The following TRAPPC8 variants were observed in gnomAD, a reference collection of about 807,000 sequenced individuals.
TRAPPC8 encodes trafficking protein particle complex subunit 8, also known as general sporulation gene 1 homolog.
TRAPPC8 carries 54 observed loss-of-function variants against 174.3 expected under a neutral mutation model. That is an observed-to-expected ratio of 0.31 (90% CI 0.25 to 0.39). The LOEUF (loss-of-function observed/expected upper bound fraction) is 0.39. Ranked by LOEUF, TRAPPC8 falls within the 10% of genes least tolerant of loss-of-function variation. The probability of loss-of-function intolerance (pLI) is 1.00; values close to 1 mark genes in which losing one functional copy is unlikely to be tolerated. For missense variants in TRAPPC8, 1,531 were observed against 1,699.1 expected (o/e 0.90, Z 1.74); for synonymous variants, 630 against 579.9 (o/e 1.09, Z -1.24).
chr18:31,838,559 G>A (rs78500577), intron 27 of TRAPPC8, among the ~76,000 whole-genome samples: 1,912 of 152,174 alleles, frequency 0.013, 39 homozygotes, highest in African/African-American at 0.043. Flanking sequence ...TGGTCAACGC[G>A]GTATCTTTAC....
chr18:31,902,983 G>A (rs2145441549), intron 9 of TRAPPC8, among the ~76,000 whole-genome samples: 1 of 151,420 alleles, frequency 6.6e-6, no homozygotes, highest in East Asian at 2.0e-4. Context: ...CCGGGGAGCG[G>A]AGCCTGCAGT....
At chr18:31,844,693 G>C (rs1267097916) in intron 26 of TRAPPC8, 1 of 147,940 alleles carries the variant, frequency 6.8e-6, no homozygotes, top group Non-Finnish European at 1.5e-5. Context: ...CTCAAGCCTG[G>C]TAACAGAGTG....
intron 1 of TRAPPC8, among the ~76,000 whole-genome samples, chr18:31,934,846 A>G (rs2038011551): frequency 1.3e-5 from 2 of 151,312 alleles, no homozygotes; most frequent in Admixed American, 6.6e-5. Context: ...CAGCCTGGGC[A>G]ATGAGAGCTG....
intron 9 of TRAPPC8, among the ~76,000 whole-genome samples, chr18:31,901,281 G>C (rs1000272813): frequency 6.6e-6 from 1 of 152,108 alleles, no homozygotes; most frequent in African/African-American, 2.4e-5. Flanking sequence ...TAAGTAATGA[G>C]TAAGAGTCTT....
intron 19 of TRAPPC8, 75 bp downstream of exon 19, chr18:31,864,552 G>T: frequency 6.9e-7 from 1 of 1,446,748 alleles, no homozygotes; most frequent in Non-Finnish European, 9.5e-7. Context: ...AAACCTCAGA[G>T]CCTAAAATTA....
At chr18:31,896,264 A>G (rs2036180258) in intron 11 of TRAPPC8, 3 of 152,208 alleles carry the variant, frequency 2.0e-5, no homozygotes, top group African/African-American at 7.2e-5. Context: ...TAAGAATGAG[A>G]ACTAGAACAG....
intron 19 of TRAPPC8, among the ~76,000 whole-genome samples, chr18:31,859,695 A>G (rs934750142): frequency 6.6e-6 from 1 of 152,190 alleles, no homozygotes; most frequent in African/African-American, 2.4e-5. Flanking sequence ...GTACCTTCAG[A>G]ACACAGGTTT....
chr18:31,863,965 G>GTTCTATTATAC (rs2034457781), intron 19 of TRAPPC8, among the ~76,000 whole-genome samples: 1 of 139,384 alleles, frequency 7.2e-6, no homozygotes, highest in Admixed American at 6.9e-5. Flanking sequence ...TTATACTAAA[G>GTTCTATTATAC]TATAATACTA....
chr18:31,830,576 A>C lies in TRAPPC8; in HGVS notation c.*179T>G, dbSNP rs2032298787. 1.7e-6 allele frequency: 1 copy of C among 581,594 alleles called. No individual in the cohort carries two copies. Among genetic ancestry groups the C allele is most frequent in the South Asian group, 2.2e-5 (1 of 44,498 alleles). The allele number at this position is 581,594 out of a possible 1,614,324, so 36.0% of individuals were successfully genotyped here. A position where few individuals can be genotyped will look rare whatever the true frequency, so the allele number is the denominator to read the frequency against. ...AGGGTTTAAAGAAATACAGAAAAAGAATGTTAAGTATTCTCAGTCCAACGT... is the reference window on the plus strand; with the variant it reads ...AGGGTTTAAAGAAATACAGAAAAAGCATGTTAAGTATTCTCAGTCCAACGT... On this transcript the variant is annotated 3_prime_UTR_variant, in exon 29 of 29. Coordinates refer to ENST00000283351, the MANE Select transcript of TRAPPC8 (RefSeq NM_014939.5).
chr18:31,832,826 T>A (rs1467022589), intron 27 of TRAPPC8, among the ~76,000 whole-genome samples: 1 of 152,086 alleles, frequency 6.6e-6, no homozygotes, highest in Non-Finnish European at 1.5e-5. Context: ...GAATATAACA[T>A]GTACAAATGA....
chr18:31,935,772 G>A (rs907916593), intron 1 of TRAPPC8, among the ~76,000 whole-genome samples: 4 of 149,766 alleles, frequency 2.7e-5, no homozygotes, highest in East Asian at 2.0e-4. Flanking sequence ...GTCTCGCTCC[G>A]TCACCCAGGC....
At position 31,942,768 on chromosome 18, in the gene TRAPPC8, C is replaced by A; in HGVS notation, c.-4G>T. ...CTGATTGTACACACTGGGCCATCGC[C>A]GCAGCACAGGCAGCGGCGGCGCCCG... On this transcript the variant is annotated 5_prime_UTR_variant, in exon 1 of 29. Transcript: ENST00000283351. The A allele has an allele frequency of 6.8e-7, 1 of 1,463,954 alleles. No individual in the cohort carries two copies. The highest frequency in any genetic ancestry group is 2.8e-5 in the East Asian group (1 of 36,128). The allele number at this position is 1,463,954 out of a possible 1,614,324, so 90.7% of individuals were successfully genotyped here.
intron 9 of TRAPPC8, among the ~76,000 whole-genome samples, chr18:31,902,588 A>G (rs893085349): frequency 2.0e-5 from 3 of 152,120 alleles, no homozygotes; most frequent in Non-Finnish European, 2.9e-5. Context: ...GAGATGTAAC[A>G]CAGTTTTGGT....
At position 31,855,684 on chromosome 18, in the gene TRAPPC8, A is replaced by G; in HGVS notation, c.3312T>C (p.Phe1104=). The G allele has an allele frequency of 1.9e-6, 3 of 1,599,186 alleles. No homozygotes were observed. Among genetic ancestry groups the G allele is most frequent in the Non-Finnish European group, 2.5e-6 (3 of 1,176,738 alleles). ...CAGTATTGGTATTTTCCACATCCAC[A>G]AAGACTAGCATATTGCCTCCTCTGC... is the stretch of plus-strand genomic sequence containing the variant. ...EEGRGGNMLV[F]VDVENTNTSE... Residue 1104 remains phenylalanine (F), a synonymous_variant, in exon 21 of 29, where the codon TTT becomes TTC. Transcript: ENST00000283351.
intron 16 of TRAPPC8, 145 bp from the exon 17 acceptor site, chr18:31,867,621 A>C (rs1427960820): frequency 4.9e-6 from 3 of 617,570 alleles, no homozygotes; most frequent in Non-Finnish European, 8.5e-6. Context: ...CTCTACACAA[A>C]GTGTTTTTAT....
chr18:31,847,382 T>C (rs1053380009), intron 25 of TRAPPC8, among the ~76,000 whole-genome samples: 2 of 152,236 alleles, frequency 1.3e-5, no homozygotes, highest in African/African-American at 2.4e-5. Flanking sequence ...CTCTCTTCAA[T>C]TGCTTCTGTG....
At chr18:31,917,768 A>T (rs375311696) in intron 2 of TRAPPC8, 101 bp from the exon 3 acceptor site, 4 of 941,650 alleles carry the variant, frequency 4.2e-6, no homozygotes, top group East Asian at 5.1e-5. Flanking sequence ...TAAAAAAAAA[A>T]TTTCTAACAG....
rs531755724 is a variant in TRAPPC8, at chr18:31,927,574, A to T, written c.352+3755T>A. 2.8e-3 allele frequency among the ~76,000 whole-genome samples: 424 copies of T among 151,934 alleles called. 2 individuals are homozygous for T. The highest frequency in any genetic ancestry group is 4.0e-3 in the African/African-American group (167 of 41,442). ...GCCCAGCTACCAGCTAATTTTTTTT[A>T]AAAAATTTTCTTCAGATGGGGTCTC... is the stretch of plus-strand genomic sequence containing the variant. On this transcript the variant is annotated intron_variant, in intron 2 of 28. Coordinates refer to ENST00000283351, the MANE Select transcript of TRAPPC8 (RefSeq NM_014939.5).
At chr18:31,904,513 T>C (rs2036577699) in intron 9 of TRAPPC8, among the ~76,000 whole-genome samples, 1 of 152,210 alleles carries the variant, frequency 6.6e-6, no homozygotes, top group South Asian at 2.1e-4. Flanking sequence ...AATGTACTTC[T>C]CTGCAACATT....
Sources: gnomAD v4.1 joint callset for allele counts (sites outside exome capture counted in the v4.1 genomes callset) on GRCh38, gnomAD v4.1.1 for gene constraint, MANE v1.5 for transcripts, NCBI Gene and HGNC (gene_info 2026-07-23, HGNC 2026-07-21) for gene names.